The following IGF2BP1 variants were observed in gnomAD, a reference collection of about 807,000 sequenced individuals.
IGF2BP1 encodes the protein insulin-like growth factor 2 mRNA-binding protein 1.
Under a neutral mutation model 74.9 loss-of-function variants are expected in IGF2BP1, and 11 were observed. The ratio of observed to expected loss-of-function variants is 0.15; its 90% confidence interval spans 0.09 to 0.24. IGF2BP1 has a LOEUF of 0.24. Among genes scored for constraint, IGF2BP1 ranks in the 10% least tolerant of loss-of-function variants. The pLI is 1.00. For missense variants in IGF2BP1, 440 were observed against 757.4 expected (o/e 0.58, Z 4.92); for synonymous variants, 287 against 281.8 (o/e 1.02, Z -0.18).
chr17:49,041,525 T>C (rs748252485), intron 8 of IGF2BP1, 25 bp downstream of exon 8: 7 of 1,613,676 alleles, frequency 4.3e-6, no homozygotes. Context: ...TATTTCCCTG[T>C]TTATGAGTGG....
At chr17:49,032,759 T>G (rs2041940522) in intron 5 of IGF2BP1, among the ~76,000 whole-genome samples, 1 of 152,090 alleles carries the variant, frequency 6.6e-6, no homozygotes, top group Non-Finnish European at 1.5e-5. Flanking sequence ...TTGTGGCCAC[T>G]AGGGTTTGGC....
intron 6 of IGF2BP1, 35 bp downstream of exon 6, chr17:49,038,484 G>C: frequency 6.9e-7 from 1 of 1,439,304 alleles, no homozygotes; most frequent in Middle Eastern, 1.8e-4. Flanking sequence ...GAGGTTGGGT[G>C]CTAGGGAACA....
chr17:49,039,537 G>C (rs944475163), intron 6 of IGF2BP1, among the ~76,000 whole-genome samples: 7 of 152,162 alleles, frequency 4.6e-5, no homozygotes, highest in South Asian at 2.1e-4. Flanking sequence ...CAATTCTTGT[G>C]CCTCAGCCTC....
chr17:49,029,405 C>G (rs2041895387), intron 4 of IGF2BP1, among the ~76,000 whole-genome samples: 1 of 152,084 alleles, frequency 6.6e-6, no homozygotes, highest in African/African-American at 2.4e-5. Context: ...AGCTTTAGCC[C>G]AGGAGTTAAA....
chr17:49,047,346 CAAA>C (rs2042117527), intron 14 of IGF2BP1, among the ~76,000 whole-genome samples: 1 of 151,512 alleles, frequency 6.6e-6, no homozygotes, highest in African/African-American at 2.4e-5. Flanking sequence ...TATAAAATAA[CAAA>C]AAAGTATTAA....
In IGF2BP1 at chr17:49,054,417, T is replaced by C. The variant is rs1361317899; in HGVS notation, c.*4973T>C. 2.6e-5 allele frequency: 4 copies of C among 152,660 alleles called. No individual in the cohort carries two copies. Among genetic ancestry groups the C allele is most frequent in the Admixed American group, 6.5e-5 (1 of 15,284 alleles). The allele number at this position is 152,660 out of a possible 1,614,324, so 9.5% of individuals were successfully genotyped here. ...GGAACTAAGGGCAGGGACTCATGCA[T>C]AAGGGTATGAATCCCAGCCAGGACA... is the stretch of plus-strand genomic sequence containing the variant. On this transcript the variant is annotated 3_prime_UTR_variant, in exon 15 of 15. Transcript: ENST00000290341.
At chr17:49,014,620 A>T in intron 2 of IGF2BP1, 2 of 261,670 alleles carry the variant, frequency 7.6e-6, no homozygotes, top group Non-Finnish European at 1.2e-5. Context: ...AGCGCCCGCC[A>T]GGAAGAAGCC....
At chr17:49,039,319 G>C (rs780577198) in intron 6 of IGF2BP1, among the ~76,000 whole-genome samples, 7 of 152,130 alleles carry the variant, frequency 4.6e-5, no homozygotes, top group Non-Finnish European at 8.8e-5. Flanking sequence ...GGGGACATAC[G>C]GAATTCAAGC....
chr17:49,023,152 G>A (rs953019487), intron 2 of IGF2BP1, among the ~76,000 whole-genome samples: 3 of 152,180 alleles, frequency 2.0e-5, no homozygotes, highest in Non-Finnish European at 2.9e-5. Context: ...GGTAGATGTG[G>A]GGGTTCCCTC....
At chr17:49,018,621 G>A (rs935091932) in intron 2 of IGF2BP1, among the ~76,000 whole-genome samples, 2 of 151,120 alleles carry the variant, frequency 1.3e-5, no homozygotes, top group Admixed American at 1.3e-4. Flanking sequence ...TTTTCTGGTG[G>A]AATGTTCTTG....
At chr17:49,043,380 G>GC (rs2042073972) in intron 9 of IGF2BP1, 48 bp from the exon 10 acceptor site, 2 of 1,607,142 alleles carry the variant, frequency 1.2e-6, no homozygotes, top group Admixed American at 1.7e-5. Flanking sequence ...TCACACACAA[G>GC]CCCCTGTCAG....
intron 2 of IGF2BP1, among the ~76,000 whole-genome samples, chr17:48,999,923 G>GGTGTGT (rs371605973): frequency 0.036 from 4,799 of 134,008 alleles, 94 homozygotes; most frequent in African/African-American, 0.039. Context: ...GTGGATGAAT[G>GGTGTGT]GTGTGTGTGT....
Position 49,050,679 on chromosome 17 carries a change from C to T in IGF2BP1, c.*1235C>T, listed in dbSNP as rs925784522. ...ATTTTTAACTGACGGCTTCTGTCTCCATGAATCATTATCAGCATGATGAAA... is the reference window on the plus strand; with the variant it reads ...ATTTTTAACTGACGGCTTCTGTCTCTATGAATCATTATCAGCATGATGAAA... On this transcript the variant is annotated 3_prime_UTR_variant, in exon 15 of 15. Coordinates refer to ENST00000290341, the MANE Select transcript of IGF2BP1 (RefSeq NM_006546.4). 2.0e-5 allele frequency: 3 copies of T among 152,212 alleles called. No homozygotes were observed. The highest frequency in any genetic ancestry group is 2.0e-4 in the Admixed American group (3 of 15,280). 9.4% of individuals were successfully genotyped at this position (152,212 alleles called of 1,614,324 possible). A position where few individuals can be genotyped will look rare whatever the true frequency, so the allele number is the denominator to read the frequency against.
At chr17:49,024,426 G>A (rs550561108) in intron 2 of IGF2BP1, among the ~76,000 whole-genome samples, 5 of 152,042 alleles carry the variant, frequency 3.3e-5, no homozygotes, top group Admixed American at 3.3e-4. Context: ...TAATAATAAT[G>A]ATAATAAAGA....
At chr17:49,037,303 G>A (rs1036195253) in intron 5 of IGF2BP1, 5 of 479,452 alleles carry the variant, frequency 1.0e-5, no homozygotes, top group Admixed American at 3.0e-5. Context: ...TTGAAAGGAC[G>A]TCTAACTGCT....
At position 48,997,832 on chromosome 17, in the gene IGF2BP1, C is replaced by T. The variant is rs756373051; in HGVS notation, c.87C>T (p.Tyr29=). 2 of 1,614,086 alleles carry T rather than the reference C, an allele frequency of 1.2e-6. No homozygotes were observed. Among genetic ancestry groups the T allele is most frequent in the African/African-American group, 1.3e-5 (1 of 74,942 alleles). The change falls in exon 1 of 15, where the codon TAC becomes TAT. Residue 29 remains tyrosine, a synonymous_variant. Transcript: ENST00000290341. The surrounding 1 kb of genome is among the most constrained non-coding windows in gnomAD (Gnocchi z 4.8). ...TGTTTGCGGAGCACAAGATCTCCTACAGCGGCCAGTTCTTGGTCAAATCCG... is the reference window on the plus strand; with the variant it reads ...TGTTTGCGGAGCACAAGATCTCCTATAGCGGCCAGTTCTTGGTCAAATCCG... ...EKVFAEHKIS[Y]SGQFLVKSGY...
chr17:49,046,821 T>G (rs993248111), intron 14 of IGF2BP1, among the ~76,000 whole-genome samples: 2 of 152,180 alleles, frequency 1.3e-5, no homozygotes, highest in Non-Finnish European at 2.9e-5. Flanking sequence ...TTTCGCAGAA[T>G]GGCTGTTCTC....
In IGF2BP1 at chr17:49,031,501, CT is replaced by C. The variant is rs879764030; in HGVS notation, c.338-396del. 3.1e-3 allele frequency among the ~76,000 whole-genome samples: 447 copies of C among 143,160 alleles called. 1 individual carries two copies. The highest frequency in any genetic ancestry group is 3.9e-3 in the African/African-American group (152 of 39,248). The allele number at this position is 143,160 out of a possible 152,430, so 93.9% of individuals were successfully genotyped here. ...TCTGCCAGGTGTCCTTTTCTTTCTT[CT>C]TTTTTTTTTTTTGAGGTGGAATCTC... On this transcript the variant is annotated intron_variant, in intron 4 of 14. Coordinates refer to ENST00000290341, the MANE Select transcript of IGF2BP1 (RefSeq NM_006546.4).
intron 12 of IGF2BP1, 99 bp downstream of exon 12, chr17:49,045,164 G>A: frequency 3.2e-6 from 3 of 924,444 alleles, no homozygotes; most frequent in South Asian, 1.4e-5. Flanking sequence ...CCCGTTAGCT[G>A]TCAAGTCCTC....
Sources: allele counts gnomAD v4.1 joint callset (sites outside exome capture counted in the v4.1 genomes callset), GRCh38; gene constraint gnomAD v4.1.1; non-coding constraint Gnocchi (gnomAD v3.1); transcripts MANE v1.5; gene names NCBI Gene and HGNC (gene_info 2026-07-23, HGNC 2026-07-21).